Variants in STAT5B observed in about 807,000 individuals in gnomAD.
The protein encoded by STAT5B is transcription factor STAT5B.
STAT5B carries 21 observed loss-of-function variants against 107.8 expected under a neutral mutation model. That is an observed-to-expected ratio of 0.19 (90% CI 0.14 to 0.28). The LOEUF (loss-of-function observed/expected upper bound fraction) is 0.28, where lower values mean the gene tolerates loss of function less well. Among genes scored for constraint, STAT5B ranks in the 10% least tolerant of loss-of-function variants. The pLI, the probability that STAT5B is intolerant of heterozygous loss-of-function variation, is 1.00. For missense variants in STAT5B, 565 were observed against 1,008.2 expected, an observed-to-expected ratio of 0.56 and a Z score of 5.95; for synonymous variants, 325 against 401.7, an observed-to-expected ratio of 0.81 and a Z score of 2.28.
intron 1 of STAT5B, among the ~76,000 whole-genome samples, chr17:42,247,370 G>A (rs1428741661): frequency 6.6e-6 from 1 of 152,138 alleles, no homozygotes. Context: ...GAATTAAAAT[G>A]TTTCATTTTT....
At chr17:42,273,109 CTTAAAT>C (rs2080734156) in intron 1 of STAT5B, among the ~76,000 whole-genome samples, 1 of 152,020 alleles carries the variant, frequency 6.6e-6, no homozygotes, top group Admixed American at 6.6e-5. Context: ...ATGCTTAGAA[CTTAAAT>C]TTAAGTACAA....
chr17:42,220,265 A>T (rs1002110123), intron 5 of STAT5B, among the ~76,000 whole-genome samples: 1 of 152,206 alleles, frequency 6.6e-6, no homozygotes, highest in African/African-American at 2.4e-5. Context: ...CCCACGTGTA[A>T]AACGGGAGAT....
chr17:42,286,295 G>C, the STAT5B span, among the ~76,000 whole-genome samples: 1 of 151,094 alleles, frequency 6.6e-6, no homozygotes, highest in East Asian at 1.9e-4. Context: ...ACAGATATTC[G>C]GGGCCTTACA....
intron 1 of STAT5B, among the ~76,000 whole-genome samples, chr17:42,267,517 A>G (rs1201062269): frequency 6.6e-6 from 1 of 152,082 alleles, no homozygotes; most frequent in Admixed American, 6.5e-5. Flanking sequence ...TTGAAAAATT[A>G]AAAAGTTTTT....
At chr17:42,228,652 C>T (rs1226290294) in intron 2 of STAT5B, among the ~76,000 whole-genome samples, 2 of 152,226 alleles carry the variant, frequency 1.3e-5, no homozygotes, top group African/African-American at 4.8e-5. Flanking sequence ...GTGAGACCGG[C>T]CGGGCGTGGT....
intron 1 of STAT5B, among the ~76,000 whole-genome samples, chr17:42,273,251 C>T (rs1019193498): frequency 2.6e-5 from 4 of 151,992 alleles, no homozygotes; most frequent in Non-Finnish European, 5.9e-5. Context: ...TAGAAGAGTT[C>T]TATTCACAAA....
chr17:42,213,748 C>T (rs1318480165), intron 12 of STAT5B, among the ~76,000 whole-genome samples: 4 of 150,456 alleles, frequency 2.7e-5, no homozygotes, highest in Non-Finnish European at 5.9e-5. Flanking sequence ...AAGCTGGTCT[C>T]GAATTCCTGA....
chr17:42,255,639 C>T (rs1361934566), intron 1 of STAT5B, among the ~76,000 whole-genome samples: 1 of 152,168 alleles, frequency 6.6e-6, no homozygotes, highest in Non-Finnish European at 1.5e-5. Context: ...TGGCGGTTGT[C>T]AGAGCCTGCG....
chr17:42,203,885 C>T (rs1195962574), intron 16 of STAT5B, among the ~76,000 whole-genome samples: 1 of 151,996 alleles, frequency 6.6e-6, no homozygotes, highest in African/African-American at 2.4e-5. Context: ...CCTTGGCCTC[C>T]CAAAGTGCTG....
chr17:42,230,340 A>G (rs773304255), intron 2 of STAT5B, among the ~76,000 whole-genome samples: 45 of 152,208 alleles, frequency 3.0e-4, no homozygotes, highest in Non-Finnish European at 5.7e-4. Context: ...GGACTGTCAA[A>G]GAGGACCCAT....
At chr17:42,204,512 G>A (rs983088710) in intron 16 of STAT5B, among the ~76,000 whole-genome samples, 3 of 152,226 alleles carry the variant, frequency 2.0e-5, no homozygotes, top group African/African-American at 7.2e-5. Context: ...GGCTTCAAGT[G>A]TCAGGAGCGA....
intron 1 of STAT5B, among the ~76,000 whole-genome samples, chr17:42,274,726 A>G (rs575469896): frequency 6.6e-6 from 1 of 152,374 alleles, no homozygotes; most frequent in Non-Finnish European, 1.5e-5. Context: ...ACTCACAGGC[A>G]ATGAACATAA....
chr17:42,237,369 G>A (rs978490548), intron 1 of STAT5B, among the ~76,000 whole-genome samples: 1 of 152,306 alleles, frequency 6.6e-6, no homozygotes, highest in East Asian at 1.9e-4. Flanking sequence ...TTTTGTCTCA[G>A]TCATAAATAT....
chr17:42,260,563 C>T (rs899997985), intron 1 of STAT5B, among the ~76,000 whole-genome samples: 10 of 151,832 alleles, frequency 6.6e-5, no homozygotes, highest in Admixed American at 2.0e-4. Flanking sequence ...TGCACATCAC[C>T]ATGCCTAGCT....
rs985215786 is a variant in STAT5B at position 42,202,178 on chromosome 17, T to C, written c.2237+162A>G. 1.4e-5 allele frequency: 11 copies of C among 807,198 alleles called. No individual in the cohort carries two copies. The East Asian group carries it at 2.1e-4, about 16-fold the overall frequency. 50.0% of individuals were successfully genotyped at this position (807,198 alleles called of 1,614,324 possible). ...CCGACTCTAAACCACCAATCACTTC[T>C]GGTCAAATCTCTCCCTCCCAAAGGC... On this transcript the variant is annotated intron_variant, in intron 18 of 18. Coordinates refer to ENST00000293328, the MANE Select transcript of STAT5B (RefSeq NM_012448.4).
chr17:42,262,655 T>C (rs1031218673), intron 1 of STAT5B, among the ~76,000 whole-genome samples: 6 of 151,004 alleles, frequency 4.0e-5, no homozygotes, highest in Non-Finnish European at 7.4e-5. Context: ...AGAAAATATA[T>C]TGAAATAATA....
chr17:42,209,164 A>G (rs1261254348), intron 15 of STAT5B, among the ~76,000 whole-genome samples: 2 of 151,990 alleles, frequency 1.3e-5, no homozygotes, highest in African/African-American at 4.8e-5. Flanking sequence ...CCTCCAGAGT[A>G]GCTGGGACTA....
chr17:42,241,771 A>C (rs181276151), intron 1 of STAT5B, among the ~76,000 whole-genome samples: 70 of 152,258 alleles, frequency 4.6e-4, no homozygotes, highest in Non-Finnish European at 7.2e-4. Context: ...GGACGGAAAA[A>C]TATTCAATAG....
At chr17:42,233,150 T>TA (rs2080331066) in intron 1 of STAT5B, among the ~76,000 whole-genome samples, 1 of 152,082 alleles carries the variant, frequency 6.6e-6, no homozygotes, top group Non-Finnish European at 1.5e-5. Flanking sequence ...AGATTTTTTT[T>TA]AAAAAATCAC....
Sources: allele counts gnomAD v4.1 joint callset (sites outside exome capture counted in the v4.1 genomes callset), GRCh38; gene constraint gnomAD v4.1.1; transcripts MANE v1.5; gene names NCBI Gene and HGNC (gene_info 2026-07-23, HGNC 2026-07-21).